GLIS3: variants seen among roughly 807,000 people sequenced by gnomAD.
The protein encoded by GLIS3 is GLIS family zinc finger 3.
In GLIS3, 53 loss-of-function variants were observed where a neutral mutation model predicts 78.6. The observed-to-expected ratio is 0.67, with a 90% CI of 0.54 to 0.85. The LOEUF is 0.85. GLIS3 is among the 40% of genes least tolerant of loss of function. GLIS3 has a pLI of 0.00. For missense variants in GLIS3, 1,703 were observed against 1,231.1 expected, an observed-to-expected ratio of 1.38 and a Z score of -5.74; for synonymous variants, 684 against 509.9, an observed-to-expected ratio of 1.34 and a Z score of -4.60.
intron 4 of GLIS3, among the ~76,000 whole-genome samples, chr9:4,076,169 A>T (rs1240481459): frequency 5.3e-5 from 8 of 152,358 alleles, no homozygotes; most frequent in African/African-American, 1.9e-4. Context: ...ATACATTTTA[A>T]ATCTGTAGAG....
At chr9:4,193,126 A>G (rs1818482483) in intron 2 of GLIS3, among the ~76,000 whole-genome samples, 3 of 152,252 alleles carry the variant, frequency 2.0e-5, no homozygotes, top group Admixed American at 2.0e-4. Context: ...TATTTTACTT[A>G]GCTAATTCTG....
intron 3 of GLIS3, chr9:4,123,701 G>C (rs1484352317): frequency 5.1e-6 from 2 of 396,010 alleles, no homozygotes; most frequent in African/African-American, 4.1e-5. Context: ...CAATTTAGTG[G>C]AAAGGAAAGC....
chr9:4,323,576 A>G (rs1587385968), intron 2 of GLIS3, among the ~76,000 whole-genome samples: 1 of 152,252 alleles, frequency 6.6e-6, no homozygotes, highest in Non-Finnish European at 1.5e-5. Flanking sequence ...CTCAGATCTC[A>G]GCTCAGGCAT....
intron 2 of GLIS3, among the ~76,000 whole-genome samples, chr9:4,198,217 G>A (rs1819044122): frequency 6.6e-6 from 1 of 152,174 alleles, no homozygotes; most frequent in African/African-American, 2.4e-5. Flanking sequence ...CAAGCTCAAT[G>A]AGATCCAAGA....
At chr9:3,877,919 T>TA (rs901605371) in intron 8 of GLIS3, among the ~76,000 whole-genome samples, 1 of 152,182 alleles carries the variant, frequency 6.6e-6, no homozygotes, top group Admixed American at 6.5e-5. Context: ...AAAGAGCCTA[T>TA]AATGGTTCTT....
rs1817745956 is a variant in GLIS3, at chr9:3,826,698, C to T, written c.*1574G>A. On this transcript the variant is annotated 3_prime_UTR_variant, in exon 11 of 11. Coordinates refer to ENST00000381971, the MANE Select transcript of GLIS3 (RefSeq NM_001042413.2). Reference sequence around the variant, plus strand: ...GTGGAGGGAGACTGGAAGGACCTGTCAGTATACAAACTGTCACAGAATCCC... The same window carrying T: ...GTGGAGGGAGACTGGAAGGACCTGTTAGTATACAAACTGTCACAGAATCCC... 6.6e-6 allele frequency: 1 copy of T among 152,204 alleles called. No homozygotes were observed. The highest frequency in any genetic ancestry group is 2.1e-4 in the South Asian group (1 of 4,830). The allele number at this position is 152,204 out of a possible 1,614,324, so 9.4% of individuals were successfully genotyped here. A position where few individuals can be genotyped will look rare whatever the true frequency, so the allele number is the denominator to read the frequency against.
intron 2 of GLIS3, among the ~76,000 whole-genome samples, chr9:4,344,453 C>A (rs554791346): frequency 2.0e-5 from 3 of 152,308 alleles, no homozygotes; most frequent in East Asian, 3.9e-4. Flanking sequence ...TTTCTTCTGA[C>A]TTCGTTATCA....
At chr9:3,998,741 G>T (rs1185773529) in intron 4 of GLIS3, among the ~76,000 whole-genome samples, 1 of 148,392 alleles carries the variant, frequency 6.7e-6, no homozygotes. Context: ...ATCCTTTATG[G>T]TTTTAATTTT....
intron 2 of GLIS3, among the ~76,000 whole-genome samples, chr9:4,139,293 T>TC (rs1236741508): frequency 2.6e-5 from 4 of 152,142 alleles, no homozygotes; most frequent in African/African-American, 9.7e-5. Context: ...ATGACTGGTA[T>TC]CCCCCAGACA....
intron 2 of GLIS3, among the ~76,000 whole-genome samples, chr9:4,199,400 T>C (rs967422903): frequency 3.3e-5 from 5 of 151,862 alleles, no homozygotes; most frequent in South Asian, 4.2e-4. Context: ...AAAAAGAGTA[T>C]AGGTAACTAT....
intron 4 of GLIS3, among the ~76,000 whole-genome samples, chr9:4,043,901 A>G (rs1320024005): frequency 6.6e-6 from 1 of 152,220 alleles, no homozygotes; most frequent in Non-Finnish European, 1.5e-5. Flanking sequence ...GGGCTCCCAG[A>G]TATATCAGCT....
intron 1 of GLIS3, among the ~76,000 whole-genome samples, chr9:4,294,616 C>G (rs1816319557): frequency 6.6e-6 from 1 of 152,018 alleles, no homozygotes; most frequent in Non-Finnish European, 1.5e-5. Flanking sequence ...CTCTACACAC[C>G]TCTCTTTCAA....
chr9:3,942,261 A>C (rs2130811650), intron 4 of GLIS3, among the ~76,000 whole-genome samples: 1 of 152,298 alleles, frequency 6.6e-6, no homozygotes, highest in Middle Eastern at 3.4e-3. Context: ...ATTAAGGCTT[A>C]GTGTTTGTGA....
chr9:4,459,302 C>G, the GLIS3 span, among the ~76,000 whole-genome samples: 1 of 152,192 alleles, frequency 6.6e-6, no homozygotes. Context: ...AAAGCAAAGA[C>G]AGCCCAAGGT....
intron 2 of GLIS3, among the ~76,000 whole-genome samples, chr9:4,173,574 A>G (rs1436784332): frequency 1.3e-5 from 1 of 75,348 alleles, no homozygotes; most frequent in Non-Finnish European, 3.0e-5. Flanking sequence ...ACACACACAC[A>G]CACACACACA....
chr9:4,100,861 G>A (rs781349784), intron 4 of GLIS3, among the ~76,000 whole-genome samples: 5 of 152,246 alleles, frequency 3.3e-5, no homozygotes, highest in Middle Eastern at 6.8e-3. Flanking sequence ...GGAATTCTAC[G>A]TAATCTATGT....
intron 2 of GLIS3, among the ~76,000 whole-genome samples, chr9:4,336,112 T>A (rs1370963668): frequency 2.0e-5 from 3 of 152,176 alleles, no homozygotes; most frequent in African/African-American, 7.2e-5. Context: ...GGCATGATAT[T>A]AAAGTAGGGT....
intron 4 of GLIS3, among the ~76,000 whole-genome samples, chr9:4,075,858 T>A: frequency 6.6e-6 from 1 of 152,132 alleles, no homozygotes; most frequent in East Asian, 1.9e-4. Flanking sequence ...GAAACAAAAG[T>A]GTACATACAG....
At chr9:4,168,200 C>T (rs1450991018) in intron 2 of GLIS3, among the ~76,000 whole-genome samples, 1 of 151,512 alleles carries the variant, frequency 6.6e-6, no homozygotes, top group East Asian at 1.9e-4. Context: ...CACAGACGCA[C>T]ACACACACAC....
Sources: allele counts gnomAD v4.1 joint callset (sites outside exome capture counted in the v4.1 genomes callset), GRCh38; gene constraint gnomAD v4.1.1; transcripts MANE v1.5; gene names NCBI Gene and HGNC (gene_info 2026-07-23, HGNC 2026-07-21).